Variants in CNTN4 observed in about 807,000 individuals in gnomAD.
CNTN4 encodes the protein contactin 4.
In CNTN4, 77 loss-of-function variants were observed where a neutral mutation model predicts 122.5. The observed-to-expected ratio is 0.63, with a 90% CI of 0.52 to 0.76. CNTN4 has a LOEUF of 0.76. Among genes scored for constraint, CNTN4 ranks in the 30% least tolerant of loss-of-function variants. The pLI is 0.00. For synonymous variants in CNTN4, 512 were observed against 447.0 expected, an observed-to-expected ratio of 1.15 and a Z score of -1.83; for missense variants, 1,256 against 1,259.1, an observed-to-expected ratio of 1.00 and a Z score of 0.04.
At chr3:2,661,615 C>T (rs909272594) in intron 4 of CNTN4, among the ~76,000 whole-genome samples, 2 of 151,670 alleles carry the variant, frequency 1.3e-5, no homozygotes, top group African/African-American at 4.8e-5. Flanking sequence ...GAATTCAAGA[C>T]CAGCCTGACC....
chr3:2,967,835 A>G (rs1692483271), intron 13 of CNTN4, among the ~76,000 whole-genome samples: 1 of 149,896 alleles, frequency 6.7e-6, no homozygotes, highest in Non-Finnish European at 1.5e-5. Flanking sequence ...CCTACTTCAG[A>G]GGAGTTTTGT....
At chr3:2,725,566 T>G (rs2088168614) in intron 4 of CNTN4, among the ~76,000 whole-genome samples, 1 of 152,158 alleles carries the variant, frequency 6.6e-6, no homozygotes, top group Admixed American at 6.5e-5. Context: ...TATATATATT[T>G]TTTTACAACA....
chr3:2,425,645 T>G (rs2047797793), intron 3 of CNTN4, among the ~76,000 whole-genome samples: 1 of 152,188 alleles, frequency 6.6e-6, no homozygotes, highest in Non-Finnish European at 1.5e-5. Context: ...GCATTGAATC[T>G]ATAAATTACC....
intron 4 of CNTN4, chr3:2,629,528 T>G (rs2082336210): frequency 2.2e-6 from 1 of 453,804 alleles, no homozygotes; most frequent in African/African-American, 2.0e-5. Flanking sequence ...CGTTCTAGGT[T>G]CACAGACTGA....
intron 2 of CNTN4, among the ~76,000 whole-genome samples, chr3:2,211,690 T>C (rs1449931377): frequency 6.6e-6 from 1 of 152,148 alleles, no homozygotes; most frequent in Admixed American, 6.5e-5. Context: ...TTTTTCTTGG[T>C]TGTTAGTTTA....
At chr3:2,861,549 A>T (rs2093671576) in intron 7 of CNTN4, among the ~76,000 whole-genome samples, 1 of 152,250 alleles carries the variant, frequency 6.6e-6, no homozygotes, top group Non-Finnish European at 1.5e-5. Context: ...CATATTGATA[A>T]AACTATCTAA....
rs180864880 is a variant in CNTN4, at chr3:2,285,273, T to A, written c.-144-53905T>A. Among the ~76,000 whole-genome samples the A allele has an allele frequency of 3.7e-4, 56 of 152,176 alleles. 1 individual carries two copies. The East Asian group carries it at 0.01, about 28-fold the overall frequency. ...TAAGGAGTTCTTAATCGCAAAAAAT[T>A]TGAATAGGATTTAATTTGATGAATG... is the stretch of plus-strand genomic sequence containing the variant. On this transcript the variant is annotated intron_variant, in intron 2 of 24. Coordinates refer to ENST00000418658, the MANE Select transcript of CNTN4 (RefSeq NM_175607.3).
rs1695859559 is a variant in CNTN4 at position 2,999,718 on chromosome 3, A to C, written c.1486+11246A>C. On this transcript the variant is annotated intron_variant, in intron 14 of 24. Transcript: ENST00000418658. ...GTCTTTTATAATGACACCTAACCTCATTCATGACTCAGTCACCTCCTAAAA... is the reference window on the plus strand; with the variant it reads ...GTCTTTTATAATGACACCTAACCTCCTTCATGACTCAGTCACCTCCTAAAA... Among the ~76,000 whole-genome samples, 2 of 152,188 alleles carry C rather than the reference A, an allele frequency of 1.3e-5. 1 individual carries two copies. The highest frequency in any genetic ancestry group is 4.8e-5 in the African/African-American group (2 of 41,434).
intron 4 of CNTN4, among the ~76,000 whole-genome samples, chr3:2,629,117 G>A (rs561831486): frequency 6.6e-6 from 1 of 152,268 alleles, no homozygotes; most frequent in African/African-American, 2.4e-5. Context: ...ACCCCCAAAT[G>A]TGACTATGAG....
intron 3 of CNTN4, among the ~76,000 whole-genome samples, chr3:2,501,833 A>G (rs1018557413): frequency 1.3e-5 from 2 of 152,156 alleles, no homozygotes; most frequent in Non-Finnish European, 2.9e-5. Context: ...GAGCCTCGAC[A>G]TAACACCTAG....
intron 3 of CNTN4, among the ~76,000 whole-genome samples, chr3:2,518,367 TACTC>T (rs1411688409): frequency 4.6e-5 from 7 of 152,298 alleles, no homozygotes; most frequent in East Asian, 1.9e-4. Flanking sequence ...ACATGAATAA[TACTC>T]AGAATGTTCA....
rs2150826431 is a variant in CNTN4, at chr3:2,385,893, T to A, written c.-89+46660T>A. 6.6e-6 allele frequency among the ~76,000 whole-genome samples: 1 copy of A among 152,180 alleles called. No homozygotes were observed. The highest frequency in any genetic ancestry group is 3.4e-3 in the Middle Eastern group (1 of 294). On this transcript the variant is annotated intron_variant, in intron 3 of 24. Coordinates refer to ENST00000418658, the MANE Select transcript of CNTN4 (RefSeq NM_175607.3). The surrounding 1 kb of genome is among the most constrained non-coding windows in gnomAD (Gnocchi z 4.0). ...AGCGACACAATTCAACCCATAACAA[T>A]GTTCCATCAATATTTGATAAATGAA...
At chr3:2,799,318 C>G (rs1266596268) in intron 6 of CNTN4, among the ~76,000 whole-genome samples, 1 of 152,142 alleles carries the variant, frequency 6.6e-6, no homozygotes, top group Non-Finnish European at 1.5e-5. Context: ...TATTTCTTGG[C>G]TGTGCAGAAA....
intron 3 of CNTN4, among the ~76,000 whole-genome samples, chr3:2,406,809 G>C (rs2047055294): frequency 6.6e-6 from 1 of 152,070 alleles, no homozygotes; most frequent in South Asian, 2.1e-4. Context: ...TATAAGTGTG[G>C]TTTTACCAGT....
At chr3:2,850,137 G>A (rs924655967) in intron 7 of CNTN4, among the ~76,000 whole-genome samples, 2 of 151,794 alleles carry the variant, frequency 1.3e-5, no homozygotes, top group East Asian at 1.9e-4. Flanking sequence ...TTACAGGCAC[G>A]CCCCACCACA....
chr3:2,467,612 A>G (rs2075548659), intron 3 of CNTN4, among the ~76,000 whole-genome samples: 1 of 152,212 alleles, frequency 6.6e-6, no homozygotes, highest in African/African-American at 2.4e-5. Flanking sequence ...ATGATTACAT[A>G]AAACAATATA....
chr3:2,558,735 C>A (rs1245339496), intron 3 of CNTN4, among the ~76,000 whole-genome samples: 1 of 152,150 alleles, frequency 6.6e-6, no homozygotes, highest in Non-Finnish European at 1.5e-5. Flanking sequence ...TTTTATGCCT[C>A]AGTTTCCCTG....
chr3:2,341,719 T>G (rs1211270516), intron 3 of CNTN4, among the ~76,000 whole-genome samples: 1 of 152,240 alleles, frequency 6.6e-6, no homozygotes, highest in Non-Finnish European at 1.5e-5. Flanking sequence ...ACATAATAGC[T>G]CTTTTTAACA....
At chr3:2,574,243 CA>C (rs1419433157) in intron 4 of CNTN4, among the ~76,000 whole-genome samples, 2 of 151,872 alleles carry the variant, frequency 1.3e-5, no homozygotes, top group Non-Finnish European at 2.9e-5. Flanking sequence ...AAAAACAAAA[CA>C]AAAAACTGCT....
Sources: gnomAD v4.1 joint callset for allele counts (sites outside exome capture counted in the v4.1 genomes callset) on GRCh38, gnomAD v4.1.1 for gene constraint, Gnocchi (gnomAD v3.1) non-coding constraint, MANE v1.5 for transcripts, NCBI Gene and HGNC (gene_info 2026-07-23, HGNC 2026-07-21) for gene names.